Variants in GRM5 observed in about 807,000 individuals in gnomAD.
GRM5 encodes metabotropic glutamate receptor 5.
A neutral mutation model predicts 83.1 loss-of-function variants in GRM5; 19 were observed. That is an observed-to-expected ratio of 0.23 (90% confidence interval 0.16 to 0.34). The LOEUF (loss-of-function observed/expected upper bound fraction) is 0.34, where lower values mean the gene tolerates loss of function less well. GRM5 is among the 10% of genes least tolerant of loss of function. GRM5 has a pLI of 1.00. For missense variants in GRM5, 1,160 were observed against 1,588.3 expected, an observed-to-expected ratio of 0.73 and a Z score of 4.58; for synonymous variants, 675 against 633.6, an observed-to-expected ratio of 1.07 and a Z score of -0.98.
intron 2 of GRM5, among the ~76,000 whole-genome samples, chr11:89,040,438 C>T (rs543587879): frequency 6.6e-6 from 1 of 152,130 alleles, no homozygotes; most frequent in Non-Finnish European, 1.5e-5. Context: ...TGTCGGTTGT[C>T]GTAGCTCACA....
At chr11:88,802,632 G>T (rs992063282) in intron 3 of GRM5, among the ~76,000 whole-genome samples, 5 of 152,096 alleles carry the variant, frequency 3.3e-5, no homozygotes, top group Non-Finnish European at 2.9e-5. Flanking sequence ...CACAAGACAA[G>T]GATGCCCTCT....
intron 2 of GRM5, among the ~76,000 whole-genome samples, chr11:88,987,121 C>A (rs1172643869): frequency 6.6e-6 from 1 of 152,018 alleles, no homozygotes; most frequent in Admixed American, 6.6e-5. Flanking sequence ...CTAGGGAGTG[C>A]CAGACAGTGG....
In GRM5 at chr11:88,522,599, C is replaced by CTGTGTG. The variant is rs1459241983; in HGVS notation, c.2726+2709_2726+2710insCACACA. Among the ~76,000 whole-genome samples, 21 of 97,346 alleles carry CTGTGTG rather than the reference C, an allele frequency of 2.2e-4. No homozygotes were observed. In the East Asian group the frequency reaches 9.6e-3, roughly 44 times the overall value. The allele number at this position is 97,346 out of a possible 152,430, so 63.9% of individuals were successfully genotyped here. A position where few individuals can be genotyped will look rare whatever the true frequency, so the allele number is the denominator to read the frequency against. ...TCTCTCTCTCTCTCGCTCTCTCTCT[C>CTGTGTG]TCTCTGTGTGTGTGTGTGTGTGTGT... On this transcript the variant is annotated intron_variant, in intron 9 of 9. Transcript: ENST00000305447.
chr11:88,564,624 A>G (rs1287602648), intron 8 of GRM5, among the ~76,000 whole-genome samples: 1 of 152,174 alleles, frequency 6.6e-6, no homozygotes, highest in East Asian at 1.9e-4. Flanking sequence ...AAGACAAGCA[A>G]AAAAAGTACC....
chr11:88,674,608 A>C lies in GRM5; in HGVS notation c.912-21205T>G, dbSNP rs556561273. On this transcript the variant is annotated intron_variant, in intron 3 of 9. Coordinates refer to ENST00000305447, the MANE Select transcript of GRM5 (RefSeq NM_001143831.3). ...CTACCATTGTTCCTCTAATTGTTCA[A>C]ACAAGGATTATAGGTTTGGGGCAGT... Among the ~76,000 whole-genome samples the C allele has an allele frequency of 3.0e-4, 46 of 151,944 alleles. No individual in the cohort carries two copies. The South Asian group carries it at 9.5e-3, about 32-fold the overall frequency.
chr11:88,517,079 C>G (rs1426924011), intron 9 of GRM5, among the ~76,000 whole-genome samples: 1 of 150,984 alleles, frequency 6.6e-6, no homozygotes, highest in African/African-American at 2.4e-5. Context: ...TACAGCTATT[C>G]CTGATTAATG....
At chr11:89,007,849 C>A (rs1415367642) in intron 2 of GRM5, among the ~76,000 whole-genome samples, 1 of 152,176 alleles carries the variant, frequency 6.6e-6, no homozygotes, top group Non-Finnish European at 1.5e-5. Context: ...CTGTAGTTTT[C>A]TAATCTTCCT....
chr11:89,032,739 A>G (rs1941290783), intron 2 of GRM5, among the ~76,000 whole-genome samples: 1 of 152,090 alleles, frequency 6.6e-6, no homozygotes. Context: ...GTGATGGACC[A>G]GCAAATAAGA....
intron 3 of GRM5, among the ~76,000 whole-genome samples, chr11:88,693,208 G>A (rs569754393): frequency 3.3e-5 from 5 of 152,136 alleles, no homozygotes; most frequent in Admixed American, 6.6e-5. Context: ...AAAACACTAT[G>A]TTAGGTACTA....
chr11:88,681,990 C>T (rs1030806762), intron 3 of GRM5, among the ~76,000 whole-genome samples: 4 of 152,156 alleles, frequency 2.6e-5, no homozygotes, highest in African/African-American at 9.6e-5. Context: ...TATACTACCA[C>T]ACATTTAGCT....
rs202209657 is a variant in GRM5, at chr11:88,567,588, T to G, written c.2095A>C (p.Ile699Leu). 1.5e-5 allele frequency: 25 copies of G among 1,614,050 alleles called. No homozygotes were observed. Among genetic ancestry groups the G allele is most frequent in the Non-Finnish European group, 1.9e-5 (22 of 1,180,022 alleles). ...ATGCCCAACTGGATGCATATGAGAA[T>G]GAAAGCAATCACTAGCTGGGCACAG... is the stretch of plus-strand genomic sequence containing the variant. ...SACAQLVIAFILICIQLGIIV... is the reference protein window; with the variant it reads ...SACAQLVIAFLLICIQLGIIV... Residue 699 changes from isoleucine (I) to leucine (L), a missense_variant, in exon 8 of 10, where the codon ATT becomes CTT. By Grantham distance (5) the Ile-to-Leu change is conservative. This residue lies in a region of GRM5 where 132 missense variants were observed against 245.5 expected (regional missense o/e 0.54). Transcript: ENST00000305447. This position sits in a 1 kb window ranked among gnomAD's most constrained non-coding sequence, Gnocchi z 7.3.
At chr11:88,879,283 T>C (rs1165607931) in intron 2 of GRM5, among the ~76,000 whole-genome samples, 3 of 151,926 alleles carry the variant, frequency 2.0e-5, no homozygotes, top group Non-Finnish European at 4.4e-5. Flanking sequence ...AGGAAGTATC[T>C]GGTAATCACA....
At position 88,509,525 on chromosome 11, in the gene GRM5, A is replaced by G. The variant is rs759043918; in HGVS notation, c.2727-21T>C. 3 of 1,594,208 alleles carry G rather than the reference A, an allele frequency of 1.9e-6. No homozygotes were observed. The East Asian group carries it at 6.9e-5, about 36-fold the overall frequency. On this transcript the variant is annotated intron_variant, in intron 9 of 9. Coordinates refer to ENST00000305447, the MANE Select transcript of GRM5 (RefSeq NM_001143831.3). ...TGGAACTGAGGAGAGAAGGGAGAGGAAAGGTGACTCAGCGAGGTGCCCAGG... is the reference window on the plus strand; with the variant it reads ...TGGAACTGAGGAGAGAAGGGAGAGGGAAGGTGACTCAGCGAGGTGCCCAGG...
At chr11:89,064,020 G>C (rs1393086243) in intron 1 of GRM5, among the ~76,000 whole-genome samples, 7 of 152,190 alleles carry the variant, frequency 4.6e-5, no homozygotes, top group Admixed American at 2.0e-4. Flanking sequence ...TGGAAGGAGT[G>C]TCAAGGACAT....
At chr11:88,988,893 C>A (rs1939850171) in intron 2 of GRM5, among the ~76,000 whole-genome samples, 1 of 147,370 alleles carries the variant, frequency 6.8e-6, no homozygotes, top group Non-Finnish European at 1.5e-5. Flanking sequence ...CCGGTACCAG[C>A]CGCTGCAAAA....
chr11:88,509,218 C>T lies in GRM5; in HGVS notation c.3013G>A (p.Glu1005Lys), dbSNP rs1011256914. The T allele has an allele frequency of 2.6e-6, 4 of 1,531,008 alleles. No individual in the cohort carries two copies. The highest frequency in any genetic ancestry group is 2.6e-5 in the East Asian group (1 of 39,070). The allele number at this position is 1,531,008 out of a possible 1,614,324, so 94.8% of individuals were successfully genotyped here. The change falls in exon 10 of 10, where the codon GAG becomes AAG. Residue 1005 changes from glutamate to lysine, a missense_variant. Around this residue, in one of 9 missense-constraint regions of GRM5, gnomAD observed 562 missense variants for 532.4 expected, o/e 1.06. Coordinates refer to ENST00000305447, the MANE Select transcript of GRM5 (RefSeq NM_001143831.3). ...AGPKALYDVAEAEEHFPAPAR... is the reference protein window; with the variant it reads ...AGPKALYDVAKAEEHFPAPAR... Reference sequence around the variant, plus strand: ...GGCGCCGGGAAGTGCTCCTCAGCCTCGGCCACATCATACAGCGCCTTGGGG... The same window carrying T: ...GGCGCCGGGAAGTGCTCCTCAGCCTTGGCCACATCATACAGCGCCTTGGGG...
At chr11:88,768,576 A>G (rs12416703) in intron 3 of GRM5, among the ~76,000 whole-genome samples, 8,059 of 152,020 alleles carry the variant, frequency 0.053, 402 homozygotes, top group Admixed American at 0.16. Context: ...TACACTTAAC[A>G]ATGTTGAATA....
chr11:88,818,628 TTATTA>T (rs1414711255), intron 3 of GRM5, among the ~76,000 whole-genome samples: 1 of 152,132 alleles, frequency 6.6e-6, no homozygotes, highest in African/African-American at 2.4e-5. Flanking sequence ...ACCAATATAT[TTATTA>T]TATTTGCAGA....
intron 3 of GRM5, among the ~76,000 whole-genome samples, chr11:88,828,178 A>G (rs11021484): frequency 0.025 from 3,883 of 152,302 alleles, 174 homozygotes; most frequent in African/African-American, 0.089. Context: ...GACATGGATG[A>G]GAAAGGCAGA....
Sources: allele counts gnomAD v4.1 joint callset (sites outside exome capture counted in the v4.1 genomes callset), GRCh38; gene constraint gnomAD v4.1.1; regional missense constraint gnomAD v4.1.1; non-coding constraint Gnocchi (gnomAD v3.1); transcripts MANE v1.5; gene names NCBI Gene and HGNC (gene_info 2026-07-23, HGNC 2026-07-21).